Variants in WFDC11 observed in about 807,000 individuals in gnomAD.
The protein encoded by WFDC11 is WAP four-disulfide core domain 11, also known as protein WFDC11.
In WFDC11, 9 loss-of-function variants were observed where a neutral mutation model predicts 9.9. That is an observed-to-expected ratio of 0.91 (90% CI 0.55 to 1.58). The LOEUF (loss-of-function observed/expected upper bound fraction) is 1.58, where lower values mean the gene tolerates loss of function less well. WFDC11 is among the 40% of genes most tolerant of loss of function. The pLI, the probability that WFDC11 is intolerant of heterozygous loss-of-function variation, is 0.00. For missense variants in WFDC11, 106 were observed against 101.7 expected, an observed-to-expected ratio of 1.04 and a Z score of -0.18; for synonymous variants, 32 against 33.3, an observed-to-expected ratio of 0.96 and a Z score of 0.13.
At chr20:45,663,553 T>A (rs910480649) in intron 2 of WFDC11, among the ~76,000 whole-genome samples, 1 of 152,230 alleles carries the variant, frequency 6.6e-6, no homozygotes, top group Non-Finnish European at 1.5e-5. Flanking sequence ...TGCTTTCTCT[T>A]GTGGGCATTT....
At chr20:45,666,059 G>C (rs1983181534) in intron 2 of WFDC11, among the ~76,000 whole-genome samples, 1 of 152,232 alleles carries the variant, frequency 6.6e-6, no homozygotes, top group South Asian at 2.1e-4. Context: ...AGGCCTTGCT[G>C]AGCTGCGATG....
At chr20:45,655,948 G>T (rs1433673596) in intron 2 of WFDC11, among the ~76,000 whole-genome samples, 1 of 152,092 alleles carries the variant, frequency 6.6e-6, no homozygotes, top group Non-Finnish European at 1.5e-5. Context: ...ACAAACAAAT[G>T]GAATAACATT....
At chr20:45,650,765 A>G (rs1157173100) in intron 2 of WFDC11, 114 bp from the exon 3 acceptor site, 1 of 584,076 alleles carries the variant, frequency 1.7e-6, no homozygotes, top group African/African-American at 1.9e-5. Context: ...CTGCCTACCC[A>G]ACAACTGGCA....
Position 45,650,515 on chromosome 20 carries a change from T to G in WFDC11, c.86A>C (p.Lys29Thr). 6.2e-7 allele frequency: 1 copy of G among 1,614,044 alleles called. No homozygotes were observed. The highest frequency in any genetic ancestry group is 1.1e-5 in the South Asian group (1 of 91,072). ...VLLSVLGEMR[K>T]KRYDRKELLL... ...TCACCACCTACTGTCATATCTTTTC[T>G]TCCTCATTTCTCCCAGCACAGACAG... The change falls in exon 3 of 5, where the codon AAG (lysine) becomes ACG (threonine). Residue 29 changes from lysine to threonine, a missense_variant. By Grantham distance (78) the Lys-to-Thr change is moderately conservative. Coordinates refer to ENST00000324384, the MANE Select transcript of WFDC11 (RefSeq NM_147197.2).
At chr20:45,659,682 C>A (rs1002905572) in intron 2 of WFDC11, among the ~76,000 whole-genome samples, 1 of 152,104 alleles carries the variant, frequency 6.6e-6, no homozygotes, top group Non-Finnish European at 1.5e-5. Flanking sequence ...ACTCTGATGA[C>A]AGTTTCTTTT....
chr20:45,661,728 A>G (rs1028408216), intron 2 of WFDC11, among the ~76,000 whole-genome samples: 2 of 152,086 alleles, frequency 1.3e-5, no homozygotes, highest in African/African-American at 2.4e-5. Flanking sequence ...AGATAGTTGT[A>G]GATATGCGGC....
intron 1 of WFDC11, among the ~76,000 whole-genome samples, chr20:45,668,351 A>C (rs529519755): frequency 6.6e-6 from 1 of 152,274 alleles, no homozygotes; most frequent in African/African-American, 2.4e-5. Flanking sequence ...AGAGAAGCAA[A>C]GCCTGTAGAT....
chr20:45,648,853 A>G, intron 4 of WFDC11, 114 bp from the exon 5 acceptor site: 1 of 1,137,554 alleles, frequency 8.8e-7, no homozygotes, highest in South Asian at 1.3e-5. Context: ...AGAATACTTT[A>G]ACGTAACAAC....
Position 45,648,589 on chromosome 20 carries a change from G to T in WFDC11, c.*130C>A. Reference sequence around the variant, plus strand: ...ACTGGTAAATAAGTTTATTTGTCAAGTGTTTGCTGTTGTCCAGCTCTCAGT... The same window carrying T: ...ACTGGTAAATAAGTTTATTTGTCAATTGTTTGCTGTTGTCCAGCTCTCAGT... On this transcript the variant is annotated 3_prime_UTR_variant, in exon 5 of 5. Coordinates refer to ENST00000324384, the MANE Select transcript of WFDC11 (RefSeq NM_147197.2). 1.0e-6 allele frequency: 1 copy of T among 958,068 alleles called. No homozygotes were observed. The highest frequency in any genetic ancestry group is 1.7e-5 in the African/African-American group (1 of 60,252). 59.3% of individuals were successfully genotyped at this position (958,068 alleles called of 1,614,324 possible).
At chr20:45,649,058 G>T (rs1466714783) in intron 4 of WFDC11, among the ~76,000 whole-genome samples, 199 bp downstream of exon 4, 2 of 152,144 alleles carry the variant, frequency 1.3e-5, no homozygotes, top group Non-Finnish European at 2.9e-5. Flanking sequence ...ATTATATAAT[G>T]AAAGAAACAA....
intron 1 of WFDC11, among the ~76,000 whole-genome samples, chr20:45,668,219 G>A (rs1306150974): frequency 1.3e-5 from 2 of 152,154 alleles, no homozygotes; most frequent in Non-Finnish European, 2.9e-5. Flanking sequence ...CTAGCAGAGG[G>A]GCATAATGGG....
intron 2 of WFDC11, among the ~76,000 whole-genome samples, chr20:45,653,373 A>T (rs1568661536): frequency 6.6e-6 from 1 of 152,202 alleles, no homozygotes; most frequent in Non-Finnish European, 1.5e-5. Context: ...TAGACAAGCA[A>T]ATGCTGAGAG....
At chr20:45,663,153 G>A (rs1300124510) in intron 2 of WFDC11, among the ~76,000 whole-genome samples, 1 of 152,182 alleles carries the variant, frequency 6.6e-6, no homozygotes, top group African/African-American at 2.4e-5. Flanking sequence ...ACTTGGGAGG[G>A]TGTATGTGTC....
intron 2 of WFDC11, among the ~76,000 whole-genome samples, chr20:45,665,731 T>TG (rs549270463): frequency 3.3e-5 from 5 of 152,346 alleles, no homozygotes; most frequent in African/African-American, 9.6e-5. Flanking sequence ...CCTGTTTGCC[T>TG]GGGTGTCACC....
chr20:45,648,732 C>T lies in WFDC11; in HGVS notation c.251G>A (p.Ser84Asn), dbSNP rs1168148864. The part of the protein sequence containing the change: ...GNICWINVET[S>N]GDY ...GAAGCTACGGTTTTAGTAATCTCCA[C>T]TGGTTTCCTGTAAAACAAAAAGGTT... is the stretch of plus-strand genomic sequence containing the variant. Residue 84 changes from serine to asparagine, a missense_variant, in exon 5 of 5, where the codon AGT becomes AAT. By Grantham distance (46) the Ser-to-Asn change is conservative. Coordinates refer to ENST00000324384, the MANE Select transcript of WFDC11 (RefSeq NM_147197.2). The T allele has an allele frequency of 1.2e-6, 2 of 1,614,158 alleles. No individual in the cohort carries two copies. The highest frequency in any genetic ancestry group is 2.2e-5 in the East Asian group (1 of 44,888).
chr20:45,657,984 A>AT (rs1366814468), intron 2 of WFDC11, among the ~76,000 whole-genome samples: 10 of 152,184 alleles, frequency 6.6e-5, no homozygotes, highest in Admixed American at 2.0e-4. Flanking sequence ...ATAAATATAG[A>AT]TTTTTTATAA....
At chr20:45,665,870 CA>C (rs1429219808) in intron 2 of WFDC11, among the ~76,000 whole-genome samples, 3 of 152,196 alleles carry the variant, frequency 2.0e-5, no homozygotes, top group African/African-American at 7.2e-5. Context: ...TTAGGCTACA[CA>C]GGGGTCAGGG....
chr20:45,655,304 G>A (rs1982903773), intron 2 of WFDC11, among the ~76,000 whole-genome samples: 1 of 152,058 alleles, frequency 6.6e-6, no homozygotes, highest in South Asian at 2.1e-4. Flanking sequence ...ACATAATCCA[G>A]CATATAAACA....
chr20:45,650,912 T>A (rs974370232), intron 2 of WFDC11, among the ~76,000 whole-genome samples: 7 of 152,282 alleles, frequency 4.6e-5, no homozygotes, highest in African/African-American at 7.2e-5. Flanking sequence ...TACAAAAAAA[T>A]TTTTTTAAAT....
Sources: gnomAD v4.1 joint callset for allele counts (sites outside exome capture counted in the v4.1 genomes callset) on GRCh38, gnomAD v4.1.1 for gene constraint, MANE v1.5 for transcripts, NCBI Gene and HGNC (gene_info 2026-07-23, HGNC 2026-07-21) for gene names.